NAT2: variants seen among roughly 807,000 people sequenced by gnomAD.
The protein encoded by NAT2 is arylamine N-acetyltransferase 2.
For missense variants in NAT2, 428 were observed against 339.1 expected (o/e 1.26, Z -2.06); for synonymous variants, 137 against 125.9 (o/e 1.09, Z -0.59).
Position 18,399,073 on chromosome 8 carries a change from A to G in NAT2, c.-6-925A>G, listed in dbSNP as rs1253890517. On this transcript the variant is annotated intron_variant, in intron 1 of 1. Transcript: ENST00000286479. ...CTCCAAGGCCACTGTTAGTTGTCAG[A>G]TATCATCTCAATCCATTCCCCTTCT... 2.6e-5 allele frequency among the ~76,000 whole-genome samples: 4 copies of G among 152,222 alleles called. No homozygotes were observed. In the East Asian group the frequency reaches 7.7e-4, roughly 29 times the overall value.
At chr8:18,398,249 T>C (rs140547278) in intron 1 of NAT2, among the ~76,000 whole-genome samples, 1 of 152,356 alleles carries the variant, frequency 6.6e-6, no homozygotes, top group East Asian at 1.9e-4. Flanking sequence ...AAGACCTGTC[T>C]GTCTAGATTC....
intron 1 of NAT2, among the ~76,000 whole-genome samples, chr8:18,394,090 G>C (rs1800641263): frequency 6.6e-6 from 1 of 152,090 alleles, no homozygotes; most frequent in Non-Finnish European, 1.5e-5. Flanking sequence ...GATTTGGATA[G>C]ATAAAAGAAA....
At chr8:18,389,059 TCTC>T (rs1800553641), upstream of NAT2, among the ~76,000 whole-genome samples, 1 of 152,162 alleles carries the variant, frequency 6.6e-6, no homozygotes, top group Non-Finnish European at 1.5e-5. Flanking sequence ...TAGTCACAAG[TCTC>T]CTCATCTCAT....
chr8:18,389,112 C>A (rs548049182), upstream of NAT2, among the ~76,000 whole-genome samples: 145 of 152,326 alleles, frequency 9.5e-4, no homozygotes, highest in African/African-American at 3.2e-3. Flanking sequence ...CCTCAAGGAT[C>A]TCTGTCAAAC....
rs1800764590 is a variant in NAT2 at position 18,400,205 on chromosome 8, T to C, written c.202T>C (p.Cys68Arg). 1 of 1,612,788 alleles carries C rather than the reference T, an allele frequency of 6.2e-7. No individual in the cohort carries two copies. Among genetic ancestry groups the C allele is most frequent in the South Asian group, 1.1e-5 (1 of 90,994 alleles). ...TGTAAGAAGAAACCGGGGTGGGTGG[T>C]GTCTCCAGGTCAATCAACTTCTGTA... Reference protein sequence around the residue: ...HIVRRNRGGWCLQVNQLLYWA... With the variant: ...HIVRRNRGGWRLQVNQLLYWA... Residue 68 changes from cysteine to arginine, a missense_variant, in exon 2 of 2, where the codon TGT (cysteine) becomes CGT (arginine). Cys to Arg is a radical substitution (Grantham distance 180, BLOSUM62 -3). Coordinates refer to ENST00000286479, the MANE Select transcript of NAT2 (RefSeq NM_000015.3).
chr8:18,399,978 G>A lies in NAT2; in HGVS notation c.-6-20G>A, dbSNP rs774110362. ...ATGCTAAAGTATGATATGTTTTTATGTTTTGTTTTTCTTGCTTAGGGGATC... is the reference window on the plus strand; with the variant it reads ...ATGCTAAAGTATGATATGTTTTTATATTTTGTTTTTCTTGCTTAGGGGATC... On this transcript the variant is annotated intron_variant, in intron 1 of 1. Coordinates refer to ENST00000286479, the MANE Select transcript of NAT2 (RefSeq NM_000015.3). 3 of 1,537,558 alleles carry A rather than the reference G, an allele frequency of 2.0e-6. No homozygotes were observed. Among genetic ancestry groups the A allele is most frequent in the Middle Eastern group, 1.8e-4 (1 of 5,596 alleles).
upstream of NAT2, among the ~76,000 whole-genome samples, chr8:18,389,027 T>G (rs1292432003): frequency 6.6e-6 from 1 of 152,222 alleles, no homozygotes; most frequent in Non-Finnish European, 1.5e-5. Flanking sequence ...CCAGGATCCT[T>G]GACTCTGGTC....
Position 18,400,913 on chromosome 8 carries a change from C to G in NAT2, c.*37C>G. The G allele has an allele frequency of 6.8e-7, 1 of 1,464,008 alleles. No homozygotes were observed. Among genetic ancestry groups the G allele is most frequent in the South Asian group, 1.4e-5 (1 of 71,662 alleles). 90.7% of individuals were successfully genotyped at this position (1,464,008 alleles called of 1,614,324 possible). A position where few individuals can be genotyped will look rare whatever the true frequency, so the allele number is the denominator to read the frequency against. On this transcript the variant is annotated 3_prime_UTR_variant, in exon 2 of 2. Coordinates refer to ENST00000286479, the MANE Select transcript of NAT2 (RefSeq NM_000015.3). ...AAATAAACCCTTGTGTATGTATCACCCAACTCACTAATTATCAACTTATGT... is the reference window on the plus strand; with the variant it reads ...AAATAAACCCTTGTGTATGTATCACGCAACTCACTAATTATCAACTTATGT...
chr8:18,392,555 C>G (rs1041838225), intron 1 of NAT2, among the ~76,000 whole-genome samples: 4 of 152,158 alleles, frequency 2.6e-5, no homozygotes, highest in African/African-American at 9.7e-5. Flanking sequence ...TTAGATGGTG[C>G]CCACCCGGAT....
chr8:18,399,787 C>G (rs1426930642), intron 1 of NAT2, among the ~76,000 whole-genome samples: 1 of 152,134 alleles, frequency 6.6e-6, no homozygotes, highest in Non-Finnish European at 1.5e-5. Context: ...TACAATAATA[C>G]TTTCCTTACA....
intron 1 of NAT2, among the ~76,000 whole-genome samples, chr8:18,398,823 C>T (rs1312664278): frequency 6.6e-6 from 1 of 152,122 alleles, no homozygotes; most frequent in Non-Finnish European, 1.5e-5. Flanking sequence ...GGTCACATGC[C>T]ACCCATCAGC....
At chr8:18,389,141 A>G (rs1384125573), upstream of NAT2, among the ~76,000 whole-genome samples, 3 of 152,200 alleles carry the variant, frequency 2.0e-5, no homozygotes, top group Non-Finnish European at 4.4e-5. Flanking sequence ...ATTAGAGGCA[A>G]TCTCAGAATT....
Position 18,400,230 on chromosome 8 carries a change from A to C in NAT2, c.227A>C (p.Tyr76Ser), listed in dbSNP as rs1800765208. The change falls in exon 2 of 2, where the codon TAC (tyrosine) becomes TCC (serine). Residue 76 changes from tyrosine to serine, a missense_variant. By Grantham distance (144) the Tyr-to-Ser change is moderately radical (BLOSUM62 -2). Transcript: ENST00000286479. ...GWCLQVNQLL[Y>S]WALTTIGFQT... Reference sequence around the variant, plus strand: ...TGTCTCCAGGTCAATCAACTTCTGTACTGGGCTCTGACCACAATCGGTTTT... The same window carrying C: ...TGTCTCCAGGTCAATCAACTTCTGTCCTGGGCTCTGACCACAATCGGTTTT... 2 of 1,612,590 alleles carry C rather than the reference A, an allele frequency of 1.2e-6. No individual in the cohort carries two copies. The highest frequency in any genetic ancestry group is 2.7e-5 in the African/African-American group (2 of 74,982).
At chr8:18,398,971 C>T (rs1157274321) in intron 1 of NAT2, among the ~76,000 whole-genome samples, 1 of 152,198 alleles carries the variant, frequency 6.6e-6, no homozygotes, top group Non-Finnish European at 1.5e-5. Context: ...CACTGTTCCG[C>T]TTATAACCCT....
chr8:18,394,540 G>C (rs192552408), intron 1 of NAT2, among the ~76,000 whole-genome samples: 2 of 152,164 alleles, frequency 1.3e-5, no homozygotes, highest in East Asian at 3.9e-4. Flanking sequence ...CCCAACCAAG[G>C]ATTTATCTGT....
chr8:18,392,545 T>C (rs1041098805), intron 1 of NAT2, among the ~76,000 whole-genome samples: 7 of 152,196 alleles, frequency 4.6e-5, no homozygotes, highest in African/African-American at 1.7e-4. Flanking sequence ...TGGCAGCTGA[T>C]TAGATGGTGC....
intron 1 of NAT2, among the ~76,000 whole-genome samples, chr8:18,399,147 C>T (rs530019141): frequency 2.0e-4 from 30 of 152,306 alleles, no homozygotes; most frequent in Admixed American, 1.8e-3. Flanking sequence ...TTCCTCAACA[C>T]TTGGGACAGG....
Position 18,400,578 on chromosome 8 carries a change from T to G in NAT2, c.575T>G (p.Phe192Cys). ...AAGAAACACCAAAAAATATACTTAT[T>G]TACGCTTGAACCTCGAACAATTGAA... The part of the protein sequence containing the change: ...PKKKHQKIYL[F>C]TLEPRTIEDF... Residue 192 changes from phenylalanine (F) to cysteine (C), a missense_variant, in exon 2 of 2, where the codon TTT (phenylalanine) becomes TGT (cysteine). By Grantham distance (205) the Phe-to-Cys change is radical. Transcript: ENST00000286479. 1.2e-6 allele frequency: 2 copies of G among 1,612,622 alleles called. No homozygotes were observed. Among genetic ancestry groups the G allele is most frequent in the Non-Finnish European group, 1.7e-6 (2 of 1,179,668 alleles).
In NAT2 at chr8:18,400,550, A is replaced by G. The variant is rs1232810154; in HGVS notation, c.547A>G (p.Lys183Glu). The G allele has an allele frequency of 6.2e-7, 1 of 1,612,286 alleles. No homozygotes were observed. Among genetic ancestry groups the G allele is most frequent in the Non-Finnish European group, 8.5e-7 (1 of 1,179,604 alleles). Residue 183 changes from lysine to glutamate, a missense_variant, in exon 2 of 2, where the codon AAG becomes GAG. Physicochemically the swap from Lys to Glu is moderately conservative, Grantham distance 56. Transcript: ENST00000286479. ...KEFLNSHLLP[K>E]KKHQKIYLFT... ...ATTTCTTAATTCTCATCTCCTGCCAAAGAAGAAACACCAAAAAATATACTT... is the reference window on the plus strand; with the variant it reads ...ATTTCTTAATTCTCATCTCCTGCCAGAGAAGAAACACCAAAAAATATACTT...
Sources: allele counts gnomAD v4.1 joint callset (sites outside exome capture counted in the v4.1 genomes callset), GRCh38; gene constraint gnomAD v4.1.1; transcripts MANE v1.5; gene names NCBI Gene and HGNC (gene_info 2026-07-23, HGNC 2026-07-21).